Variants in PHF14 observed in about 807,000 individuals in gnomAD.
PHF14 encodes the protein PHD finger protein 14.
A neutral mutation model predicts 117.9 loss-of-function variants in PHF14; 55 were observed. That is an observed-to-expected ratio of 0.47 (90% CI 0.38 to 0.58). The LOEUF (loss-of-function observed/expected upper bound fraction) is 0.58, where lower values mean the gene tolerates loss of function less well. Ranked by LOEUF, PHF14 falls within the 20% of genes least tolerant of loss-of-function variation. PHF14 has a pLI of 0.00. For missense variants in PHF14, 978 were observed against 1,122.2 expected, an observed-to-expected ratio of 0.87 and a Z score of 1.84; for synonymous variants, 409 against 368.6, an observed-to-expected ratio of 1.11 and a Z score of -1.26.
At chr7:11,069,065 C>A (rs1374282893) in intron 16 of PHF14, among the ~76,000 whole-genome samples, 1 of 152,056 alleles carries the variant, frequency 6.6e-6, no homozygotes, top group African/African-American at 2.4e-5. Context: ...AAGCAAAGTT[C>A]AAAGTAACAA....
chr7:11,087,269 G>A (rs186941135), intron 16 of PHF14, among the ~76,000 whole-genome samples: 1 of 151,580 alleles, frequency 6.6e-6, no homozygotes, highest in Non-Finnish European at 1.5e-5. Context: ...TTGGCTCACT[G>A]CAACCTCTGC....
chr7:11,047,082 T>C (rs1166971672), intron 13 of PHF14, among the ~76,000 whole-genome samples: 1 of 152,094 alleles, frequency 6.6e-6, no homozygotes, highest in African/African-American at 2.4e-5. Context: ...TTTTTTTCTT[T>C]TTTTGAGATG....
At chr7:11,094,410 A>G (rs1020735599) in intron 16 of PHF14, among the ~76,000 whole-genome samples, 1 of 151,942 alleles carries the variant, frequency 6.6e-6, no homozygotes, top group African/African-American at 2.4e-5. Flanking sequence ...ATGACCCCCA[A>G]CTTCTTGCAG....
chr7:11,164,299 A>G (rs963679571), intron 17 of PHF14, among the ~76,000 whole-genome samples: 9 of 152,342 alleles, frequency 5.9e-5, no homozygotes, highest in African/African-American at 2.2e-4. Context: ...TGGCCAAATT[A>G]TAAAGGGACT....
At chr7:11,137,374 C>A (rs1788251579) in intron 17 of PHF14, among the ~76,000 whole-genome samples, 1 of 151,934 alleles carries the variant, frequency 6.6e-6, no homozygotes, top group South Asian at 2.1e-4. Context: ...TACACAATTC[C>A]CTAGTTAAGA....
intron 9 of PHF14, 96 bp from the exon 10 acceptor site, chr7:11,036,884 AACTAT>A: frequency 1.0e-6 from 1 of 977,210 alleles, no homozygotes; most frequent in South Asian, 1.6e-5. Flanking sequence ...AAAAGTTTTA[AACTAT>A]GTAGGTTTAT....
In PHF14 at chr7:11,036,435, G is replaced by A. The variant is rs1038529233; in HGVS notation, c.1620G>A (p.Arg540=). Residue 540 remains arginine, a synonymous_variant, in exon 9 of 18, where the codon CGG becomes CGA. Transcript: ENST00000634607. ...TTTTATAGGCAAGGATCAATGCCCG[G>A]CTTCAGCAGTATCGTGCCAAAGCAG... is the stretch of plus-strand genomic sequence containing the variant. The part of the protein sequence containing the change: ...SPEAQARINA[R]LQQYRAKAEL... 1 of 1,612,534 alleles carries A rather than the reference G, an allele frequency of 6.2e-7. No homozygotes were observed. The highest frequency in any genetic ancestry group is 1.3e-5 in the African/African-American group (1 of 74,862).
chr7:11,008,058 T>C (rs1307431236), intron 4 of PHF14, among the ~76,000 whole-genome samples: 1 of 151,244 alleles, frequency 6.6e-6, no homozygotes, highest in Non-Finnish European at 1.5e-5. Flanking sequence ...CTGATTGTAG[T>C]GTGTCTGAAT....
chr7:11,089,543 G>T (rs1222915804), intron 16 of PHF14, among the ~76,000 whole-genome samples: 1 of 151,798 alleles, frequency 6.6e-6, no homozygotes, highest in Admixed American at 6.6e-5. Flanking sequence ...AGGAAAAAAA[G>T]GACAAAAAAG....
intron 13 of PHF14, among the ~76,000 whole-genome samples, chr7:11,044,399 C>A (rs1214578226): frequency 6.6e-6 from 1 of 152,042 alleles, no homozygotes; most frequent in Non-Finnish European, 1.5e-5. Context: ...AGGGCGTAAA[C>A]AACTTAGAGC....
intron 17 of PHF14, among the ~76,000 whole-genome samples, chr7:11,156,352 A>G (rs930519090): frequency 2.6e-5 from 4 of 152,210 alleles, no homozygotes; most frequent in Admixed American, 2.6e-4. Context: ...TTAATGTGCC[A>G]TGGGAGAAGT....
At chr7:11,005,824 C>G (rs539102170) in intron 4 of PHF14, among the ~76,000 whole-genome samples, 2 of 116,494 alleles carry the variant, frequency 1.7e-5, no homozygotes, top group African/African-American at 3.5e-5. Flanking sequence ...GACGGAGTCT[C>G]GTTCTTTCAC....
At chr7:11,124,249 G>A (rs999426571) in intron 17 of PHF14, among the ~76,000 whole-genome samples, 1 of 151,854 alleles carries the variant, frequency 6.6e-6, no homozygotes, top group African/African-American at 2.4e-5. Flanking sequence ...TGTTTTGGTG[G>A]TATGTCCTAC....
At chr7:11,006,971 T>C (rs1783129986) in intron 4 of PHF14, 2 of 414,476 alleles carry the variant, frequency 4.8e-6, no homozygotes, top group Non-Finnish European at 9.3e-6. Flanking sequence ...AGTCAGGAGT[T>C]TGATACCAGC....
At chr7:11,143,787 A>G (rs1788465222) in intron 17 of PHF14, among the ~76,000 whole-genome samples, 1 of 152,110 alleles carries the variant, frequency 6.6e-6, no homozygotes, top group Non-Finnish European at 1.5e-5. Flanking sequence ...TATGGCCTAT[A>G]AAATGTATCT....
chr7:11,149,169 A>G (rs1788637610), intron 17 of PHF14, among the ~76,000 whole-genome samples: 1 of 149,954 alleles, frequency 6.7e-6, no homozygotes, highest in Non-Finnish European at 1.5e-5. Context: ...TGCTGTGCTC[A>G]TGTAGATGTT....
chr7:11,003,664 C>T (rs1782961813), intron 4 of PHF14, among the ~76,000 whole-genome samples: 1 of 152,074 alleles, frequency 6.6e-6, no homozygotes, highest in African/African-American at 2.4e-5. Context: ...GTTTTTGTGA[C>T]AAGAACAGCT....
At chr7:11,044,804 G>T (rs1325129420) in intron 13 of PHF14, among the ~76,000 whole-genome samples, 1 of 152,120 alleles carries the variant, frequency 6.6e-6, no homozygotes, top group Non-Finnish European at 1.5e-5. Flanking sequence ...AACGCAGGTT[G>T]AGTATCCCTT....
chr7:11,068,028 C>G (rs1259152284), intron 16 of PHF14, among the ~76,000 whole-genome samples: 1 of 152,106 alleles, frequency 6.6e-6, no homozygotes, highest in Non-Finnish European at 1.5e-5. Flanking sequence ...AGCATACATA[C>G]AGTAGAATAT....
Sources: gnomAD v4.1 joint callset for allele counts (sites outside exome capture counted in the v4.1 genomes callset) on GRCh38, gnomAD v4.1.1 for gene constraint, MANE v1.5 for transcripts, NCBI Gene and HGNC (gene_info 2026-07-23, HGNC 2026-07-21) for gene names.